Variants in ATP11A observed in about 807,000 individuals in gnomAD.
ATP11A encodes the protein phospholipid-transporting ATPase IH.
Under a neutral mutation model 154.4 loss-of-function variants are expected in ATP11A, and 81 were observed. The ratio of observed to expected loss-of-function variants is 0.52; its 90% confidence interval spans 0.44 to 0.63. The LOEUF (loss-of-function observed/expected upper bound fraction) is 0.63. Among genes scored for constraint, ATP11A ranks in the 30% least tolerant of loss-of-function variants. The probability of loss-of-function intolerance (pLI) is 0.00; values close to 1 mark genes in which losing one functional copy is unlikely to be tolerated. For synonymous variants in ATP11A, 623 were observed against 585.9 expected, an observed-to-expected ratio of 1.06 and a Z score of -0.91; for missense variants, 1,316 against 1,474.3, an observed-to-expected ratio of 0.89 and a Z score of 1.76.
chr13:112,775,554 A>G (rs114377351), intron 1 of ATP11A, among the ~76,000 whole-genome samples: 328 of 152,374 alleles, frequency 2.2e-3, no homozygotes, highest in African/African-American at 7.4e-3. Context: ...AAGGAGGCGA[A>G]TACTTTCAAA....
chr13:112,881,666 C>T (rs1213715605), intron 29 of ATP11A: 3 of 1,219,070 alleles, frequency 2.5e-6, no homozygotes, highest in African/African-American at 3.1e-5. Context: ...CCCGCCCGGC[C>T]TGCCCTCAGG....
intron 1 of ATP11A, among the ~76,000 whole-genome samples, chr13:112,741,207 A>T (rs1489121707): frequency 6.6e-6 from 1 of 151,594 alleles, no homozygotes; most frequent in Non-Finnish European, 1.5e-5. Context: ...TGGGGAGGTG[A>T]GGGACATGGA....
intron 1 of ATP11A, among the ~76,000 whole-genome samples, chr13:112,752,831 C>T (rs1397119753): frequency 1.3e-5 from 2 of 152,136 alleles, no homozygotes; most frequent in African/African-American, 2.4e-5. Flanking sequence ...AGTGTAGCAT[C>T]GGGACTTTCC....
At chr13:112,715,220 C>G (rs983314870) in intron 1 of ATP11A, among the ~76,000 whole-genome samples, 8 of 152,162 alleles carry the variant, frequency 5.3e-5, no homozygotes, top group Admixed American at 3.3e-4. Context: ...GACTAGCCCC[C>G]TCAGGTGCCC....
At chr13:112,706,638 T>C (rs932288304) in intron 1 of ATP11A, among the ~76,000 whole-genome samples, 6 of 152,252 alleles carry the variant, frequency 3.9e-5, no homozygotes, top group African/African-American at 7.2e-5. Context: ...AAGAGTATTT[T>C]CCTGTAAAAT....
intron 16 of ATP11A, among the ~76,000 whole-genome samples, chr13:112,840,067 A>C (rs1340405670): frequency 6.6e-6 from 1 of 151,694 alleles, no homozygotes; most frequent in East Asian, 1.9e-4. Context: ...GAGATCCTCC[A>C]GGGTCCAACT....
intron 1 of ATP11A, among the ~76,000 whole-genome samples, chr13:112,764,452 G>C (rs1189710895): frequency 2.6e-5 from 4 of 152,224 alleles, no homozygotes; most frequent in Non-Finnish European, 4.4e-5. Flanking sequence ...TCCTGGGTCT[G>C]TCAGGGTTAG....
rs1005380373 is a variant in ATP11A, at chr13:112,806,673, C to CT, written c.333+390dup. Among the ~76,000 whole-genome samples, 14 of 149,000 alleles carry CT rather than the reference C, an allele frequency of 9.4e-5. 1 individual carries two copies. The highest frequency in any genetic ancestry group is 2.0e-4 in the Admixed American group (3 of 14,936). ...TTTTGTTTGTTTGTTTTTGGTTTTG[C>CT]TTTTTTTTTTCATAGCCCCAGTAAA... is the stretch of plus-strand genomic sequence containing the variant. On this transcript the variant is annotated intron_variant, in intron 4 of 29. Coordinates refer to ENST00000375645, the MANE Select transcript of ATP11A (RefSeq NM_015205.3).
chr13:112,873,721 G>T, intron 27 of ATP11A, 45 bp downstream of exon 27: 1 of 1,560,174 alleles, frequency 6.4e-7, no homozygotes, highest in Non-Finnish European at 8.8e-7. Flanking sequence ...ATATCATGTG[G>T]TTGTTATTTT....
chr13:112,842,069 A>C (rs898986372), intron 16 of ATP11A, among the ~76,000 whole-genome samples: 1 of 152,132 alleles, frequency 6.6e-6, no homozygotes, highest in African/African-American at 2.4e-5. Flanking sequence ...TGGAATTTCT[A>C]GGGTGTAGGA....
Position 112,859,298 on chromosome 13 carries a change from G to T in ATP11A, c.2668-95G>T. On this transcript the variant is annotated intron_variant, in intron 22 of 29. Transcript: ENST00000375645. The surrounding 1 kb of genome is among the most constrained non-coding windows in gnomAD (Gnocchi z 4.3). ...TTCTGCCGCACGCTGGGTGCACGTG[G>T]ATCCCTCCTCCCATGTGGGGTGGGC... 1 of 960,680 alleles carries T rather than the reference G, an allele frequency of 1.0e-6. No homozygotes were observed. Among genetic ancestry groups the T allele is most frequent in the Non-Finnish European group, 1.7e-6 (1 of 584,928 alleles). The allele number at this position is 960,680 out of a possible 1,614,324, so 59.5% of individuals were successfully genotyped here. A position where few individuals can be genotyped will look rare whatever the true frequency, so the allele number is the denominator to read the frequency against.
chr13:112,857,489 T>A (rs2079963529), intron 20 of ATP11A, among the ~76,000 whole-genome samples: 1 of 152,234 alleles, frequency 6.6e-6, no homozygotes, highest in Non-Finnish European at 1.5e-5. Flanking sequence ...CACTTTTCCA[T>A]ATATTTAAGT....
intron 25 of ATP11A, among the ~76,000 whole-genome samples, chr13:112,866,165 C>T (rs2080325376): frequency 6.6e-6 from 1 of 152,198 alleles, no homozygotes; most frequent in African/African-American, 2.4e-5. Flanking sequence ...TACCAACACA[C>T]ATATGGTAAG....
At chr13:112,836,888 G>T (rs1015190495) in intron 16 of ATP11A, among the ~76,000 whole-genome samples, 11 of 152,218 alleles carry the variant, frequency 7.2e-5, no homozygotes, top group African/African-American at 2.7e-4. Context: ...TGTCCCTGAC[G>T]ATTGCCTCTG....
chr13:112,881,273 G>C (rs1263305562), intron 29 of ATP11A: 11 of 992,736 alleles, frequency 1.1e-5, no homozygotes, highest in Non-Finnish European at 1.3e-5. Flanking sequence ...CGGGGCCCCA[G>C]TGGGCTGTCA....
At chr13:112,744,621 C>T (rs951813585) in intron 1 of ATP11A, among the ~76,000 whole-genome samples, 2 of 152,210 alleles carry the variant, frequency 1.3e-5, no homozygotes, top group Non-Finnish European at 2.9e-5. Flanking sequence ...TTCTCGGGCT[C>T]GTTGGCCTGC....
intron 1 of ATP11A, among the ~76,000 whole-genome samples, chr13:112,760,217 CTAAT>C (rs1258498398): frequency 2.6e-5 from 4 of 152,218 alleles, no homozygotes; most frequent in African/African-American, 7.2e-5. Flanking sequence ...TTGTTTTTCT[CTAAT>C]TATTCAAAAT....
intron 1 of ATP11A, among the ~76,000 whole-genome samples, chr13:112,759,111 G>C (rs1322154844): frequency 6.6e-6 from 1 of 152,202 alleles, no homozygotes; most frequent in Non-Finnish European, 1.5e-5. Context: ...CCATTCCCCT[G>C]TCCCCTCTTA....
intron 1 of ATP11A, among the ~76,000 whole-genome samples, chr13:112,739,143 AC>A (rs774092727): frequency 6.6e-6 from 1 of 152,316 alleles, no homozygotes; most frequent in Non-Finnish European, 1.5e-5. Context: ...AAAATTAAAG[AC>A]TTTTGTTCCT....
Sources: gnomAD v4.1 joint callset for allele counts (sites outside exome capture counted in the v4.1 genomes callset) on GRCh38, gnomAD v4.1.1 for gene constraint, Gnocchi (gnomAD v3.1) non-coding constraint, MANE v1.5 for transcripts, NCBI Gene and HGNC (gene_info 2026-07-23, HGNC 2026-07-21) for gene names.